The following CDK14 variants were observed in gnomAD, a reference collection of about 807,000 sequenced individuals.
CDK14 encodes the protein cyclin dependent kinase 14, also known as cyclin-dependent kinase 14.
A neutral mutation model predicts 60.7 loss-of-function variants in CDK14; 34 were observed. That is an observed-to-expected ratio of 0.56 (90% CI 0.43 to 0.75). CDK14 has a LOEUF of 0.75. Among genes scored for constraint, CDK14 ranks in the 30% least tolerant of loss-of-function variants. The pLI, the probability that CDK14 is intolerant of heterozygous loss-of-function variation, is 0.00. For synonymous variants in CDK14, 197 were observed against 203.7 expected, an observed-to-expected ratio of 0.97 and a Z score of 0.28; for missense variants, 482 against 564.1, an observed-to-expected ratio of 0.85 and a Z score of 1.47.
chr7:90,770,645 C>T (rs912806284), intron 4 of CDK14, among the ~76,000 whole-genome samples: 1 of 152,174 alleles, frequency 6.6e-6, no homozygotes, highest in African/African-American at 2.4e-5. Context: ...CTGTCTTTCC[C>T]CATATCCTTA....
chr7:91,049,234 T>G (rs951498665), intron 11 of CDK14, among the ~76,000 whole-genome samples: 1 of 152,162 alleles, frequency 6.6e-6, no homozygotes, highest in South Asian at 2.1e-4. Context: ...AACTTTTGCT[T>G]CTTTGAGATT....
At chr7:91,058,306 G>A (rs1461770301) in intron 11 of CDK14, among the ~76,000 whole-genome samples, 1 of 152,094 alleles carries the variant, frequency 6.6e-6, no homozygotes, top group African/African-American at 2.4e-5. Flanking sequence ...GAGATTTTGG[G>A]CTGAGACGAT....
At chr7:90,769,429 A>T (rs1278731483) in intron 4 of CDK14, among the ~76,000 whole-genome samples, 1 of 151,974 alleles carries the variant, frequency 6.6e-6, no homozygotes, top group Non-Finnish European at 1.5e-5. Context: ...ACAAAGGAGA[A>T]ACATTTAGGA....
intron 2 of CDK14, among the ~76,000 whole-genome samples, chr7:90,646,906 C>A (rs1800482165): frequency 6.6e-6 from 1 of 152,112 alleles, no homozygotes; most frequent in Admixed American, 6.6e-5. Flanking sequence ...TGGTAATATA[C>A]ATTTAAAATT....
chr7:91,209,803 A>G lies in CDK14; in HGVS notation c.*2667A>G, dbSNP rs1054099452. 6 of 152,608 alleles carry G rather than the reference A, an allele frequency of 3.9e-5. No individual in the cohort carries two copies. Among genetic ancestry groups the G allele is most frequent in the Non-Finnish European group, 7.3e-5 (5 of 68,030 alleles). The allele number at this position is 152,608 out of a possible 1,614,324, so 9.5% of individuals were successfully genotyped here. On this transcript the variant is annotated 3_prime_UTR_variant, in exon 15 of 15. Coordinates refer to ENST00000380050, the MANE Select transcript of CDK14 (RefSeq NM_001287135.2). The stretch of plus-strand genomic sequence containing the variant: ...AAAAATGTTTGCAGTACTCAGCAAA[A>G]AATAGGGTACATAAAGCAGGGTGGC...
chr7:90,673,767 G>A (rs1801145334), intron 2 of CDK14, among the ~76,000 whole-genome samples: 1 of 152,068 alleles, frequency 6.6e-6, no homozygotes. Context: ...TATTTGTTGT[G>A]CAACATATCC....
intron 3 of CDK14, among the ~76,000 whole-genome samples, chr7:90,733,470 C>T (rs939153146): frequency 1.3e-5 from 2 of 152,194 alleles, no homozygotes; most frequent in Non-Finnish European, 2.9e-5. Context: ...CTTTGTAGGT[C>T]TCTAAGAACT....
At chr7:90,985,855 C>T (rs1323047811) in intron 10 of CDK14, among the ~76,000 whole-genome samples, 1 of 152,092 alleles carries the variant, frequency 6.6e-6, no homozygotes, top group Non-Finnish European at 1.5e-5. Context: ...CATCTGTATC[C>T]ACTTCCTTTC....
intron 10 of CDK14, among the ~76,000 whole-genome samples, chr7:91,044,897 C>T (rs774856908): frequency 2.2e-4 from 33 of 152,138 alleles, no homozygotes; most frequent in Admixed American, 1.4e-3. Context: ...CAGTTTTCTG[C>T]GGGTTCTTTG....
At chr7:91,051,451 C>T (rs1283824991) in intron 11 of CDK14, among the ~76,000 whole-genome samples, 3 of 152,114 alleles carry the variant, frequency 2.0e-5, no homozygotes, top group Non-Finnish European at 4.4e-5. Flanking sequence ...TTTTCCCTTA[C>T]CCTCAGGGTT....
At chr7:90,968,423 A>G (rs914045295) in intron 9 of CDK14, among the ~76,000 whole-genome samples, 4 of 152,230 alleles carry the variant, frequency 2.6e-5, no homozygotes, top group Admixed American at 2.0e-4. Context: ...GTAATTACTA[A>G]TGACAGAATC....
intron 14 of CDK14, among the ~76,000 whole-genome samples, chr7:91,153,867 A>G (rs1326996913): frequency 6.6e-6 from 1 of 152,102 alleles, no homozygotes; most frequent in Non-Finnish European, 1.5e-5. Context: ...CTGCATATGT[A>G]CCCCTGAACT....
intron 9 of CDK14, among the ~76,000 whole-genome samples, chr7:90,975,559 A>G (rs969676075): frequency 4.0e-5 from 6 of 151,540 alleles, no homozygotes; most frequent in African/African-American, 1.2e-4. Context: ...TAATATATAT[A>G]GTATATGTTA....
chr7:90,637,618 T>C (rs1459027439), intron 2 of CDK14, among the ~76,000 whole-genome samples: 1 of 151,872 alleles, frequency 6.6e-6, no homozygotes. Context: ...TCTGTTGATT[T>C]GGGGTGGAGA....
chr7:90,736,864 C>G (rs1348113888), intron 3 of CDK14, among the ~76,000 whole-genome samples: 1 of 152,064 alleles, frequency 6.6e-6, no homozygotes, highest in Non-Finnish European at 1.5e-5. Context: ...TATTAGGAGC[C>G]TTGACTGAAA....
chr7:91,144,497 G>T (rs1353346421), intron 14 of CDK14, among the ~76,000 whole-genome samples: 1 of 120,084 alleles, frequency 8.3e-6, no homozygotes, highest in African/African-American at 3.3e-5. Context: ...AGGTGCAGTA[G>T]AATTCAACTG....
rs1240924340 is a variant in CDK14 at position 90,717,892 on chromosome 7, A to G, written c.124-8675A>G. On this transcript the variant is annotated intron_variant, in intron 2 of 14. Coordinates refer to ENST00000380050, the MANE Select transcript of CDK14 (RefSeq NM_001287135.2). ...AGGTGTTTACACTCTGGTCATGGAAATACAAACACGTGAGAAACAGTGCTC... is the reference window on the plus strand; with the variant it reads ...AGGTGTTTACACTCTGGTCATGGAAGTACAAACACGTGAGAAACAGTGCTC... 2.6e-5 allele frequency among the ~76,000 whole-genome samples: 4 copies of G among 152,132 alleles called. No homozygotes were observed. In the East Asian group the frequency reaches 7.7e-4, roughly 29 times the overall value.
intron 8 of CDK14, among the ~76,000 whole-genome samples, chr7:90,950,056 G>A (rs1212450567): frequency 2.6e-5 from 4 of 152,158 alleles, no homozygotes; most frequent in Non-Finnish European, 5.9e-5. Flanking sequence ...TTCGCATTGA[G>A]GAATGTTCCA....
chr7:90,776,576 A>G (rs776599759), intron 4 of CDK14, among the ~76,000 whole-genome samples: 1 of 152,234 alleles, frequency 6.6e-6, no homozygotes, highest in African/African-American at 2.4e-5. Context: ...GGGGATAGAA[A>G]GGTCACAGAA....
Sources: gnomAD v4.1 joint callset for allele counts (sites outside exome capture counted in the v4.1 genomes callset) on GRCh38, gnomAD v4.1.1 for gene constraint, MANE v1.5 for transcripts, NCBI Gene and HGNC (gene_info 2026-07-23, HGNC 2026-07-21) for gene names.